The following PRAMEF15 variants were observed in gnomAD, a reference collection of about 807,000 sequenced individuals.
PRAMEF15 encodes PRAME family member 9/15.
Under a neutral mutation model 35.3 loss-of-function variants are expected in PRAMEF15, and 21 were observed. That is an observed-to-expected ratio of 0.59 (90% CI 0.42 to 0.86). The LOEUF (loss-of-function observed/expected upper bound fraction) is 0.86. Among genes scored for constraint, PRAMEF15 ranks in the 40% least tolerant of loss-of-function variants. The pLI, the probability that PRAMEF15 is intolerant of heterozygous loss-of-function variation, is 0.00. For synonymous variants in PRAMEF15, 122 were observed against 223.3 expected, an observed-to-expected ratio of 0.55 and a Z score of 4.05; for missense variants, 360 against 574.1, an observed-to-expected ratio of 0.63 and a Z score of 3.81.
Position 13,316,284 on chromosome 1 carries a change from G to A in PRAMEF15, c.-17+626G>A, listed in dbSNP as rs1195563629. 5.3e-5 allele frequency among the ~76,000 whole-genome samples: 8 copies of A among 151,764 alleles called. No homozygotes were observed. The East Asian group carries it at 1.2e-3, about 22-fold the overall frequency. The stretch of plus-strand genomic sequence containing the variant: ...CTCCCAAAGTGCTGGGATTACAGCT[G>A]TGAGTCACCATGCATCTGTAGTCCC... On this transcript the variant is annotated intron_variant, in intron 1 of 3. Coordinates refer to ENST00000376152, the MANE Select transcript of PRAMEF15 (RefSeq NM_001098376.3).
chr1:13,320,775 C>T (rs1353991598), intron 3 of PRAMEF15, among the ~76,000 whole-genome samples: 1 of 152,102 alleles, frequency 6.6e-6, no homozygotes, highest in Non-Finnish European at 1.5e-5. Flanking sequence ...GAAGTGGGCA[C>T]TGAAGAGGGG....
intron 1 of PRAMEF15, among the ~76,000 whole-genome samples, chr1:13,318,077 G>A (rs1408565179): frequency 6.7e-6 from 1 of 149,172 alleles, no homozygotes. Context: ...AGATCCTTGA[G>A]TAATTAGTAA....
intron 3 of PRAMEF15, among the ~76,000 whole-genome samples, chr1:13,321,100 A>G (rs2100325340): frequency 1.3e-5 from 2 of 151,924 alleles, no homozygotes; most frequent in South Asian, 2.1e-4. Context: ...CCTGCGGCCC[A>G]GGGATGTGGT....
chr1:13,322,131 A>G lies in PRAMEF15; in HGVS notation c.1304A>G (p.Gln435Arg). The part of the protein sequence containing the change: ...DGTLCWSRFA[Q>R]IRAELMNRVR... ...ACTCTCTGCTGGAGCAGATTTGCTCAAATTAGGGCTGAGCTGATGAACAGA... is the reference window on the plus strand; with the variant it reads ...ACTCTCTGCTGGAGCAGATTTGCTCGAATTAGGGCTGAGCTGATGAACAGA... Residue 435 changes from glutamine to arginine, a missense_variant, in exon 4 of 4, where the codon CAA becomes CGA. Gln to Arg is a conservative substitution (Grantham distance 43, BLOSUM62 1). Coordinates refer to ENST00000376152, the MANE Select transcript of PRAMEF15 (RefSeq NM_001098376.3). 1 of 1,608,860 alleles carries G rather than the reference A, an allele frequency of 6.2e-7. No homozygotes were observed. Among genetic ancestry groups the G allele is most frequent in the Non-Finnish European group, 8.5e-7 (1 of 1,179,038 alleles).
intron 1 of PRAMEF15, among the ~76,000 whole-genome samples, chr1:13,316,535 G>T (rs1354503250): frequency 6.6e-6 from 1 of 152,050 alleles, no homozygotes; most frequent in South Asian, 2.1e-4. Context: ...CATGCCTGTA[G>T]TCCCAGCTAT....
chr1:13,321,440 C>T (rs1393882047), intron 3 of PRAMEF15, among the ~76,000 whole-genome samples: 1 of 151,628 alleles, frequency 6.6e-6, no homozygotes, highest in Admixed American at 6.6e-5. Flanking sequence ...GTCTCAAACT[C>T]CTGATCTCAA....
chr1:13,316,396 C>G (rs1222062390), intron 1 of PRAMEF15, among the ~76,000 whole-genome samples: 1 of 151,526 alleles, frequency 6.6e-6, no homozygotes, highest in African/African-American at 2.4e-5. Flanking sequence ...CTGCTGTACT[C>G]CAGCCTGGGC....
Position 13,322,425 on chromosome 1 carries a change from T to A in PRAMEF15, c.*161T>A, listed in dbSNP as rs1290821253. On this transcript the variant is annotated 3_prime_UTR_variant, in exon 4 of 4. Coordinates refer to ENST00000376152, the MANE Select transcript of PRAMEF15 (RefSeq NM_001098376.3). ...AAGCTGATCAAGCAGGGGCCGGACT[T>A]GGGGGAAATGTTGCCATGGATTCGA... 8 of 713,262 alleles carry A rather than the reference T, an allele frequency of 1.1e-5. No individual in the cohort carries two copies. Among genetic ancestry groups the A allele is most frequent in the Non-Finnish European group, 1.8e-5 (8 of 436,284 alleles). The allele number at this position is 713,262 out of a possible 1,614,324, so 44.2% of individuals were successfully genotyped here.
intron 2 of PRAMEF15, 38 bp from the exon 3 acceptor site, chr1:13,319,334 G>A: frequency 1.9e-6 from 3 of 1,606,044 alleles, no homozygotes; most frequent in Non-Finnish European, 2.5e-6. Context: ...TCAGAAATGA[G>A]TTCTTAAATT....
intron 1 of PRAMEF15, among the ~76,000 whole-genome samples, chr1:13,316,715 G>T (rs1238810500): frequency 6.6e-6 from 1 of 151,866 alleles, no homozygotes; most frequent in Non-Finnish European, 1.5e-5. Context: ...GATTTCTATT[G>T]TGTTTTCTTA....
At chr1:13,316,896 C>A (rs1344787145) in intron 1 of PRAMEF15, among the ~76,000 whole-genome samples, 1 of 150,354 alleles carries the variant, frequency 6.7e-6, no homozygotes, top group Non-Finnish European at 1.5e-5. Flanking sequence ...TTGAAGGACA[C>A]ATATTAGTAA....
At position 13,319,953 on chromosome 1, in the gene PRAMEF15, G is replaced by T. The variant is rs1199736571; in HGVS notation, c.875G>T (p.Ser292Ile). 1.4e-5 allele frequency: 22 copies of T among 1,610,510 alleles called. No homozygotes were observed. The Admixed American group carries it at 3.5e-4, about 26-fold the overall frequency. The change falls in exon 3 of 4, where the codon AGC (serine) becomes ATC (isoleucine). Residue 292 changes from serine (S) to isoleucine (I), a missense_variant and splice_region_variant. This residue lies in a region of PRAMEF15 where 72 missense variants were observed against 79.9 expected (regional missense o/e 0.90). Transcript: ENST00000376152. ...FLEGHLDQLL[S>I]CLKTSLKVLT... ...GAAGGCCACCTGGACCAGCTGCTCA[G>T]GTGAGGGAGGATGGTGAGCTTTCTC...
intron 1 of PRAMEF15, 51 bp from the exon 2 acceptor site, chr1:13,318,341 A>T (rs1640033281): frequency 6.4e-7 from 1 of 1,562,892 alleles, no homozygotes; most frequent in African/African-American, 1.4e-5. Flanking sequence ...ATGAGATTGC[A>T]TGGGCTTGGC....
intron 3 of PRAMEF15, among the ~76,000 whole-genome samples, chr1:13,320,536 G>A (rs1220892859): frequency 6.6e-6 from 1 of 152,034 alleles, no homozygotes; most frequent in African/African-American, 2.4e-5. Flanking sequence ...CGATTCTCCT[G>A]TCTCAGCCTC....
In PRAMEF15 at chr1:13,319,813, T is replaced by G; in HGVS notation, c.735T>G (p.Asp245Glu). Residue 245 changes from aspartate to glutamate, a missense_variant, in exon 3 of 4, where the codon GAT (aspartate) becomes GAG (glutamate). Transcript: ENST00000376152. ...NLQKLVLSHM[D>E]VSRYVSPEQK... is the part of the protein sequence containing the mutation. ...AGAAGCTCGTTCTCTCCCACATGGA[T>G]GTCTCTCGCTACGTTTCCCCAGAGC... 6.2e-7 allele frequency: 1 copy of G among 1,601,808 alleles called. No homozygotes were observed. Among genetic ancestry groups the G allele is most frequent in the Non-Finnish European group, 8.5e-7 (1 of 1,179,770 alleles).
In PRAMEF15 at chr1:13,316,404, G is replaced by C. The variant is rs1205878920; in HGVS notation, c.-17+746G>C. On this transcript the variant is annotated intron_variant, in intron 1 of 3. Transcript: ENST00000376152. ...CATACCACTGCTGTACTCCAGCCTG[G>C]GCAAAAGAGAGACACTCTGTCCAAA... is the stretch of plus-strand genomic sequence containing the variant. Among the ~76,000 whole-genome samples, 171 of 151,526 alleles carry C rather than the reference G, an allele frequency of 1.1e-3. 3 individuals are homozygous for C. Among genetic ancestry groups the C allele is most frequent in the Non-Finnish European group, 1.9e-3 (130 of 67,962 alleles).
chr1:13,315,922 G>C (rs1156935649), intron 1 of PRAMEF15, among the ~76,000 whole-genome samples: 1 of 151,744 alleles, frequency 6.6e-6, no homozygotes, highest in Non-Finnish European at 1.5e-5. Flanking sequence ...CACTTTGGGA[G>C]GCCAAAGTGG....
At chr1:13,316,575 A>G (rs1640008040) in intron 1 of PRAMEF15, among the ~76,000 whole-genome samples, 1 of 151,960 alleles carries the variant, frequency 6.6e-6, no homozygotes, top group Non-Finnish European at 1.5e-5. Context: ...GAATTGCTTG[A>G]ATCTTGGAGG....
chr1:13,316,893 A>G (rs1399809619), intron 1 of PRAMEF15, among the ~76,000 whole-genome samples: 1 of 150,874 alleles, frequency 6.6e-6, no homozygotes. Flanking sequence ...ACTTTGAAGG[A>G]CACATATTAG....
Sources: gnomAD v4.1 joint callset for allele counts (sites outside exome capture counted in the v4.1 genomes callset) on GRCh38, gnomAD v4.1.1 for gene constraint, gnomAD v4.1.1 regional missense constraint, MANE v1.5 for transcripts, NCBI Gene and HGNC (gene_info 2026-07-23, HGNC 2026-07-21) for gene names.